The following HS6ST1 variants were observed in gnomAD, a reference collection of about 807,000 sequenced individuals.
The protein encoded by HS6ST1 is heparan-sulfate 6-O-sulfotransferase 1.
Under a neutral mutation model 25.2 loss-of-function variants are expected in HS6ST1, and 3 were observed. The ratio of observed to expected loss-of-function variants is 0.12; its 90% CI spans 0.05 to 0.31. The LOEUF (loss-of-function observed/expected upper bound fraction) is 0.31, where lower values mean the gene tolerates loss of function less well. Among genes scored for constraint, HS6ST1 ranks in the 10% least tolerant of loss-of-function variants. The probability of loss-of-function intolerance (pLI) is 1.00; values close to 1 mark genes in which losing one functional copy is unlikely to be tolerated. For missense variants in HS6ST1, 310 were observed against 609.6 expected (o/e 0.51, Z 5.18); for synonymous variants, 204 against 275.1 (o/e 0.74, Z 2.56).
chr2:128,299,981 C>T lies in HS6ST1; in HGVS notation c.527+18056G>A, dbSNP rs549571860. Among the ~76,000 whole-genome samples, 5 of 152,230 alleles carry T rather than the reference C, an allele frequency of 3.3e-5. No individual in the cohort carries two copies. In the East Asian group the frequency reaches 7.8e-4, roughly 24 times the overall value. On this transcript the variant is annotated intron_variant, in intron 1 of 1. Coordinates refer to ENST00000259241, the MANE Select transcript of HS6ST1 (RefSeq NM_004807.3). ...ACCTCCAGGCCGGGGTCTTGCCAGC[C>T]GCTTCCCATCAGCACTCAGATTGTC...
chr2:128,317,400 G>A (rs1033872251), intron 1 of HS6ST1, among the ~76,000 whole-genome samples: 1 of 152,220 alleles, frequency 6.6e-6, no homozygotes, highest in Non-Finnish European at 1.5e-5. Flanking sequence ...CCTGTGCCTG[G>A]AAGAATTCGG....
intron 1 of HS6ST1, among the ~76,000 whole-genome samples, chr2:128,313,017 C>T (rs542317129): frequency 1.3e-5 from 2 of 152,146 alleles, no homozygotes; most frequent in Non-Finnish European, 2.9e-5. Context: ...GAGCTGAGAT[C>T]GTGCCATCAT....
At chr2:128,276,461 G>C (rs1168981801) in intron 1 of HS6ST1, among the ~76,000 whole-genome samples, 1 of 152,148 alleles carries the variant, frequency 6.6e-6, no homozygotes, top group Admixed American at 6.5e-5. Flanking sequence ...GTGATGAGCT[G>C]AAACAGGAAA....
rs1133923 is a variant in HS6ST1, at chr2:128,318,387, T to C, written c.177A>G (p.Thr59=). 0.61 allele frequency: 958,359 copies of C among 1,560,956 alleles called. 302,664 individuals carry two copies. The highest frequency in any genetic ancestry group is 0.87 in the African/African-American group (64,114 of 73,400). ...APPDDLDLFP[T]PDPHYEKKYY... ...ACTTCTTCTCGTAGTGGGGGTCGGG[T>C]GTGGGGAACAGGTCCAGGTCGTCGG... Residue 59 remains threonine (T), a synonymous_variant, in exon 1 of 2, where the codon ACA becomes ACG. Transcript: ENST00000259241. This position sits in a 1 kb window ranked among gnomAD's most constrained non-coding sequence, Gnocchi z 5.7.
At position 128,296,644 on chromosome 2, in the gene HS6ST1, G is replaced by A. The variant is rs557254366; in HGVS notation, c.527+21393C>T. 8.5e-5 allele frequency among the ~76,000 whole-genome samples: 13 copies of A among 152,136 alleles called. No homozygotes were observed. In the East Asian group the frequency reaches 2.2e-3, roughly 25 times the overall value. On this transcript the variant is annotated intron_variant, in intron 1 of 1. Coordinates refer to ENST00000259241, the MANE Select transcript of HS6ST1 (RefSeq NM_004807.3). ...GCATCAGAAAGTGTAAAATATTTAGGAGGAGACTTAACCAATGAAGTGAAA... is the reference window on the plus strand; with the variant it reads ...GCATCAGAAAGTGTAAAATATTTAGAAGGAGACTTAACCAATGAAGTGAAA...
intron 1 of HS6ST1, among the ~76,000 whole-genome samples, chr2:128,288,051 C>A (rs1693891977): frequency 6.6e-6 from 1 of 152,222 alleles, no homozygotes. Context: ...ACAGGGCACG[C>A]AGTCGAGCAG....
intron 1 of HS6ST1, among the ~76,000 whole-genome samples, chr2:128,295,183 A>G (rs1311060111): frequency 6.6e-6 from 1 of 152,236 alleles, no homozygotes; most frequent in East Asian, 1.9e-4. Context: ...TGGCACAGGC[A>G]GCATCCTTGC....
intron 1 of HS6ST1, among the ~76,000 whole-genome samples, chr2:128,287,687 T>C (rs1693885610): frequency 6.6e-6 from 1 of 152,230 alleles, no homozygotes; most frequent in African/African-American, 2.4e-5. Flanking sequence ...AGCTTGACCC[T>C]GTCCAAAAGC....
At chr2:128,287,354 G>C (rs1693879884) in intron 1 of HS6ST1, among the ~76,000 whole-genome samples, 1 of 152,202 alleles carries the variant, frequency 6.6e-6, no homozygotes, top group African/African-American at 2.4e-5. Flanking sequence ...TGTGGGCAGG[G>C]ACAGCTGCCC....
chr2:128,287,991 A>G (rs1693890660), intron 1 of HS6ST1, among the ~76,000 whole-genome samples: 1 of 151,222 alleles, frequency 6.6e-6, no homozygotes, highest in Admixed American at 6.7e-5. Flanking sequence ...GCCTGAACGC[A>G]CACACTCATA....
chr2:128,283,414 C>T (rs1203738426), intron 1 of HS6ST1, among the ~76,000 whole-genome samples: 1 of 152,228 alleles, frequency 6.6e-6, no homozygotes, highest in African/African-American at 2.4e-5. Flanking sequence ...TGACGGGGAG[C>T]AATCCCAGTG....
At chr2:128,299,247 T>C (rs1403020134) in intron 1 of HS6ST1, among the ~76,000 whole-genome samples, 2 of 152,204 alleles carry the variant, frequency 1.3e-5, no homozygotes, top group Non-Finnish European at 2.9e-5. Flanking sequence ...CCCAACAGCA[T>C]GGGAGGTGGT....
At chr2:128,293,762 T>TG (rs1466788550) in intron 1 of HS6ST1, among the ~76,000 whole-genome samples, 1 of 152,130 alleles carries the variant, frequency 6.6e-6, no homozygotes, top group Non-Finnish European at 1.5e-5. Flanking sequence ...GCACCTGTTT[T>TG]GGGGGTCCTC....
intron 1 of HS6ST1, among the ~76,000 whole-genome samples, chr2:128,273,763 C>G (rs1693649275): frequency 6.6e-6 from 1 of 152,260 alleles, no homozygotes; most frequent in Admixed American, 6.5e-5. Flanking sequence ...GCTGTTTACT[C>G]TCCAGTCTGT....
chr2:128,315,507 C>T (rs1187083205), intron 1 of HS6ST1, among the ~76,000 whole-genome samples: 2 of 152,138 alleles, frequency 1.3e-5, no homozygotes, highest in Non-Finnish European at 2.9e-5. Flanking sequence ...TCTCAGTCCC[C>T]AGAGAACACG....
At chr2:128,277,689 G>A (rs1693716908) in intron 1 of HS6ST1, among the ~76,000 whole-genome samples, 1 of 152,246 alleles carries the variant, frequency 6.6e-6, no homozygotes, top group Admixed American at 6.5e-5. Flanking sequence ...GCCAGACCAA[G>A]GAGGGTCCGG....
intron 1 of HS6ST1, among the ~76,000 whole-genome samples, chr2:128,269,648 G>C (rs568108845): frequency 6.6e-6 from 1 of 152,304 alleles, no homozygotes; most frequent in African/African-American, 2.4e-5. Flanking sequence ...GTGTGTGTGG[G>C]CTCAGCCCCG....
At chr2:128,317,859 C>T (rs1408834379) in intron 1 of HS6ST1, among the ~76,000 whole-genome samples, 178 bp downstream of exon 1, 3 of 152,202 alleles carry the variant, frequency 2.0e-5, no homozygotes, top group Non-Finnish European at 4.4e-5. Context: ...AGCCGGCTCA[C>T]CCAGAGGAGC....
intron 1 of HS6ST1, among the ~76,000 whole-genome samples, chr2:128,295,045 G>A (rs1449395320): frequency 6.6e-6 from 1 of 152,198 alleles, no homozygotes; most frequent in Non-Finnish European, 1.5e-5. Flanking sequence ...TCTGAAGGCA[G>A]AGGGGTCTGG....
Sources: gnomAD v4.1 joint callset for allele counts (sites outside exome capture counted in the v4.1 genomes callset) on GRCh38, gnomAD v4.1.1 for gene constraint, Gnocchi (gnomAD v3.1) non-coding constraint, MANE v1.5 for transcripts, NCBI Gene and HGNC (gene_info 2026-07-23, HGNC 2026-07-21) for gene names.